Variants in RAPH1 observed in about 807,000 individuals in gnomAD.
The protein encoded by RAPH1 is Ras association (RalGDS/AF-6) and pleckstrin homology domains 1.
In RAPH1, 18 loss-of-function variants were observed where a neutral mutation model predicts 88.1. The observed-to-expected ratio is 0.20, with a 90% CI of 0.14 to 0.30. The LOEUF is 0.30. Among genes scored for constraint, RAPH1 ranks in the 10% least tolerant of loss-of-function variants. RAPH1 has a pLI of 1.00. For synonymous variants in RAPH1, 587 were observed against 559.0 expected, an observed-to-expected ratio of 1.05 and a Z score of -0.71; for missense variants, 1,448 against 1,543.2, an observed-to-expected ratio of 0.94 and a Z score of 1.03.
At chr2:203,449,821 G>A (rs1374765948) in intron 10 of RAPH1, among the ~76,000 whole-genome samples, 2 of 151,986 alleles carry the variant, frequency 1.3e-5, no homozygotes, top group African/African-American at 4.8e-5. Flanking sequence ...TCAGGAGTTC[G>A]AGACCAACCT....
At chr2:203,515,382 A>G (rs1374382363) in intron 1 of RAPH1, among the ~76,000 whole-genome samples, 1 of 152,210 alleles carries the variant, frequency 6.6e-6, no homozygotes, top group Admixed American at 6.5e-5. Context: ...CATTGGCTAG[A>G]ACTAATAATG....
intron 10 of RAPH1, among the ~76,000 whole-genome samples, chr2:203,454,058 G>A (rs2098517131): frequency 6.6e-6 from 1 of 152,168 alleles, no homozygotes; most frequent in South Asian, 2.1e-4. Flanking sequence ...AGTGCCCTCT[G>A]ATGGTTTGCT....
intron 13 of RAPH1, 69 bp downstream of exon 13, chr2:203,444,797 TAA>T (rs1425405231): frequency 1.4e-5 from 20 of 1,416,368 alleles, no homozygotes; most frequent in African/African-American, 2.9e-5. Flanking sequence ...GATAAAGACA[TAA>T]GAGAGCAACA....
rs764408863 is a variant in RAPH1, at chr2:203,441,244, A to C, written c.1946T>G (p.Leu649Arg). The C allele has an allele frequency of 9.4e-6, 5 of 534,448 alleles. No individual in the cohort carries two copies. The highest frequency in any genetic ancestry group is 9.5e-6 in the Non-Finnish European group (4 of 419,610). 33.1% of individuals were successfully genotyped at this position (534,448 alleles called of 1,614,324 possible). ...PPPPPPPPPP[L>R]PSQSAPSAGS... ...TGCAGAAGGTGCAGACTGGCTGGGG[A>C]GTGGGGGAGGAGGGGGTGGTGGAGG... Residue 649 changes from leucine to arginine, a missense_variant, in exon 14 of 14, where the codon CTC (leucine) becomes CGC (arginine). Around this residue, in one of 2 missense-constraint regions of RAPH1, gnomAD observed 935 missense variants for 890.1 expected, o/e 1.05. Coordinates refer to ENST00000319170, the MANE Select transcript of RAPH1 (RefSeq NM_213589.3).
intron 1 of RAPH1, among the ~76,000 whole-genome samples, chr2:203,525,147 C>G (rs560660543): frequency 3.3e-5 from 5 of 152,202 alleles, no homozygotes; most frequent in African/African-American, 1.2e-4. Context: ...CAGTTGCCCA[C>G]CAACAGGAAA....
intron 4 of RAPH1, among the ~76,000 whole-genome samples, chr2:203,470,477 A>C (rs968928226): frequency 2.0e-5 from 3 of 152,240 alleles, no homozygotes. Flanking sequence ...AGAAAATGTA[A>C]AAAAAGAAAA....
chr2:203,470,177 A>C (rs2098531822), intron 4 of RAPH1: 2 of 1,096,778 alleles, frequency 1.8e-6, no homozygotes, highest in Non-Finnish European at 2.7e-6. Context: ...ATGATCAAAA[A>C]CAGAAATCAT....
chr2:203,507,804 T>C (rs979793969), intron 1 of RAPH1, among the ~76,000 whole-genome samples: 2 of 152,144 alleles, frequency 1.3e-5, no homozygotes, highest in African/African-American at 4.8e-5. Flanking sequence ...AAGGACAATG[T>C]TGGAACAGTT....
intron 4 of RAPH1, chr2:203,470,433 T>A (rs548570657): frequency 8.7e-6 from 5 of 573,852 alleles, no homozygotes; most frequent in African/African-American, 7.7e-5. Flanking sequence ...TAATCTCATA[T>A]CTTTTCCCTA....
intron 1 of RAPH1, among the ~76,000 whole-genome samples, chr2:203,529,005 A>ATATATTTTTTTTTTT (rs1553633903): frequency 4.9e-5 from 2 of 41,154 alleles, no homozygotes; most frequent in African/African-American, 2.4e-4. Flanking sequence ...ATATATATAT[A>ATATATTTTTTTTTTT]TTTTTTTTTT....
intron 13 of RAPH1, chr2:203,441,888 T>G: frequency 7.4e-7 from 1 of 1,346,382 alleles, no homozygotes; most frequent in South Asian, 2.2e-5. Flanking sequence ...GGCTTCCTGG[T>G]GGAATGAGGA....
chr2:203,454,313 C>T (rs1196952862), intron 10 of RAPH1, 117 bp downstream of exon 10: 2 of 689,746 alleles, frequency 2.9e-6, no homozygotes, highest in Non-Finnish European at 4.7e-6. Flanking sequence ...CCTTTTTAAA[C>T]TTTGAGAATA....
chr2:203,478,207 T>C (rs1266183617), intron 4 of RAPH1, among the ~76,000 whole-genome samples: 1 of 151,764 alleles, frequency 6.6e-6, no homozygotes, highest in East Asian at 2.0e-4. Flanking sequence ...CTAATTTTTC[T>C]GTATTTTTAG....
At chr2:203,468,538 ACTC>A (rs760106058) in intron 4 of RAPH1, among the ~76,000 whole-genome samples, 1 of 151,760 alleles carries the variant, frequency 6.6e-6, no homozygotes, top group Non-Finnish European at 1.5e-5. Context: ...AGTATGTTCT[ACTC>A]CTTTCTTTCC....
chr2:203,474,785 T>C (rs1331971019), intron 4 of RAPH1, among the ~76,000 whole-genome samples: 2 of 152,230 alleles, frequency 1.3e-5, no homozygotes, highest in African/African-American at 4.8e-5. Flanking sequence ...TGTTTTAAAA[T>C]ATTTCATACT....
chr2:203,493,971 C>CAAAAAAAAAAAAAAAAAAAAAAAAAAAAA, intron 2 of RAPH1, among the ~76,000 whole-genome samples: 1 of 18,964 alleles, frequency 5.3e-5, no homozygotes, highest in Non-Finnish European at 1.2e-4. Context: ...GACTCTATCT[C>CAAAAAAAAAAAAAAAAAAAAAAAAAAAAA]AAAAAAAAAA....
rs1376709806 is a variant in RAPH1, at chr2:203,439,182, G to A, written c.*255C>T. The A allele has an allele frequency of 2.6e-6, 1 of 383,382 alleles. No individual in the cohort carries two copies. The highest frequency in any genetic ancestry group is 4.7e-6 in the Non-Finnish European group (1 of 211,602). 23.7% of individuals were successfully genotyped at this position (383,382 alleles called of 1,614,324 possible). On this transcript the variant is annotated 3_prime_UTR_variant, in exon 14 of 14. Coordinates refer to ENST00000319170, the MANE Select transcript of RAPH1 (RefSeq NM_213589.3). Reference sequence around the variant, plus strand: ...ATACAGAACACCCATTTTCAGATTAGGAGAGAAAAGGAATAAATAGAATAA... The same window carrying A: ...ATACAGAACACCCATTTTCAGATTAAGAGAGAAAAGGAATAAATAGAATAA...
intron 1 of RAPH1, among the ~76,000 whole-genome samples, chr2:203,515,564 T>G (rs1420620571): frequency 6.6e-6 from 1 of 152,176 alleles, no homozygotes; most frequent in African/African-American, 2.4e-5. Context: ...TTGAAGAAAA[T>G]GAACTTCATT....
At chr2:203,472,888 T>C (rs2098534357) in intron 4 of RAPH1, among the ~76,000 whole-genome samples, 1 of 152,180 alleles carries the variant, frequency 6.6e-6, no homozygotes, top group Non-Finnish European at 1.5e-5. Context: ...CAATGATATT[T>C]AATTGTATCT....
Sources: gnomAD v4.1 joint callset for allele counts (sites outside exome capture counted in the v4.1 genomes callset) on GRCh38, gnomAD v4.1.1 for gene constraint, gnomAD v4.1.1 regional missense constraint, MANE v1.5 for transcripts, NCBI Gene and HGNC (gene_info 2026-07-23, HGNC 2026-07-21) for gene names.